STRBP: variants seen among roughly 807,000 people sequenced by gnomAD.
STRBP encodes the protein spermatid perinuclear RNA binding protein.
Under a neutral mutation model 80.1 loss-of-function variants are expected in STRBP, and 13 were observed. The ratio of observed to expected loss-of-function variants is 0.16; its 90% CI spans 0.11 to 0.26. The LOEUF is 0.26. Ranked by LOEUF, STRBP falls within the 10% of genes least tolerant of loss-of-function variation. The pLI, the probability that STRBP is intolerant of heterozygous loss-of-function variation, is 1.00. For missense variants in STRBP, 485 were observed against 815.2 expected (o/e 0.59, Z 4.93); for synonymous variants, 284 against 291.2 (o/e 0.98, Z 0.25).
chr9:123,120,100 A>G (rs1005601080), downstream of STRBP, among the ~76,000 whole-genome samples: 4 of 152,144 alleles, frequency 2.6e-5, no homozygotes, highest in African/African-American at 9.7e-5. Flanking sequence ...TCATTCTTAT[A>G]TAAGTACTAG....
chr9:123,218,892 C>CA (rs1031785667), intron 2 of STRBP, among the ~76,000 whole-genome samples: 10 of 152,188 alleles, frequency 6.6e-5, no homozygotes, highest in African/African-American at 2.2e-4. Context: ...GTTCTAAGTA[C>CA]ACTGCATATA....
chr9:123,116,898 T>G (rs2035654705), downstream of STRBP, among the ~76,000 whole-genome samples: 1 of 152,170 alleles, frequency 6.6e-6, no homozygotes, highest in Non-Finnish European at 1.5e-5. Context: ...AATTCAAAAC[T>G]AATTCCTCAG....
At chr9:123,181,329 T>C (rs933755027) in intron 3 of STRBP, among the ~76,000 whole-genome samples, 1 of 152,232 alleles carries the variant, frequency 6.6e-6, no homozygotes, top group Non-Finnish European at 1.5e-5. Flanking sequence ...GCTAGGCTCA[T>C]GTACTTGCTA....
intron 4 of STRBP, among the ~76,000 whole-genome samples, chr9:123,176,276 C>T (rs1588046886): frequency 1.3e-5 from 2 of 152,226 alleles, no homozygotes; most frequent in Non-Finnish European, 2.9e-5. Flanking sequence ...CCAAGTGCTA[C>T]CTCCTTCATG....
chr9:123,228,175 G>A (rs1025799415), intron 2 of STRBP, among the ~76,000 whole-genome samples: 1 of 152,144 alleles, frequency 6.6e-6, no homozygotes, highest in Non-Finnish European at 1.5e-5. Context: ...GGAGACCTAT[G>A]GGTGGCACAT....
At chr9:123,197,671 T>TC (rs1476275887) in intron 2 of STRBP, among the ~76,000 whole-genome samples, 7 of 131,114 alleles carry the variant, frequency 5.3e-5, no homozygotes, top group African/African-American at 2.1e-4. Flanking sequence ...ATATTTCTTT[T>TC]TTTTTTTTTT....
chr9:123,124,737 A>T lies in STRBP; in HGVS notation c.*860T>A, dbSNP rs1056219918. On this transcript the variant is annotated 3_prime_UTR_variant, in exon 19 of 19. Coordinates refer to ENST00000348403, the MANE Select transcript of STRBP (RefSeq NM_018387.5). ...ATTGATTGATTAATTTATTATTTTT[A>T]AAAACTTGGAAATTCATAAACTAGG... 3.0e-6 allele frequency: 3 copies of T among 985,424 alleles called. No individual in the cohort carries two copies. In the South Asian group the frequency reaches 1.4e-4, roughly 46 times the overall value. The allele number at this position is 985,424 out of a possible 1,614,324, so 61.0% of individuals were successfully genotyped here. A position where few individuals can be genotyped will look rare whatever the true frequency, so the allele number is the denominator to read the frequency against.
chr9:123,218,446 T>C (rs1292731966), intron 2 of STRBP, among the ~76,000 whole-genome samples: 1 of 142,116 alleles, frequency 7.0e-6, no homozygotes, highest in Non-Finnish European at 1.5e-5. Context: ...CTCGGCTCAC[T>C]GCAAGCTCCG....
In STRBP at chr9:123,158,097, G is replaced by T; in HGVS notation, c.960C>A (p.Gly320=). ...CCATCTCCAGCACTTTGTAAATCTGGCCAAAGGCTGATAGTCTGAGTGCAT... is the reference window on the plus strand; with the variant it reads ...CCATCTCCAGCACTTTGTAAATCTGTCCAAAGGCTGATAGTCTGAGTGCAT... ...AQHALRLSAF[G]QIYKVLEMDP... is the part of the protein sequence containing the mutation. Residue 320 remains glycine (G), a synonymous_variant, in exon 11 of 19, where the codon GGC becomes GGA. Transcript: ENST00000348403. The T allele has an allele frequency of 6.2e-7, 1 of 1,608,586 alleles. No homozygotes were observed. Among genetic ancestry groups the T allele is most frequent in the African/African-American group, 1.4e-5 (1 of 73,444 alleles).
At chr9:123,241,179 C>CA (rs11303230) in intron 1 of STRBP, among the ~76,000 whole-genome samples, 3,311 of 103,442 alleles carry the variant, frequency 0.032, 89 homozygotes, top group East Asian at 0.17. Context: ...AACTCCATCT[C>CA]AAAAAAAAAA....
intron 1 of STRBP, among the ~76,000 whole-genome samples, chr9:123,259,425 A>C (rs1421449946): frequency 6.6e-6 from 1 of 152,150 alleles, no homozygotes; most frequent in African/African-American, 2.4e-5. Flanking sequence ...TTTGAGAGTC[A>C]GCCAGGCGCA....
chr9:123,206,475 T>A (rs1031423089), intron 2 of STRBP, among the ~76,000 whole-genome samples: 3 of 152,130 alleles, frequency 2.0e-5, no homozygotes, highest in African/African-American at 4.8e-5. Flanking sequence ...TCTGGGATTT[T>A]AAAAAAATAA....
intron 6 of STRBP, among the ~76,000 whole-genome samples, chr9:123,166,122 T>C (rs1490213963): frequency 6.6e-6 from 1 of 152,200 alleles, no homozygotes; most frequent in Non-Finnish European, 1.5e-5. Flanking sequence ...GACACCTGAA[T>C]TATAAGCTAT....
chr9:123,200,812 A>G lies in STRBP; in HGVS notation c.-164-16514T>C, dbSNP rs150127218. Among the ~76,000 whole-genome samples, 720 of 121,980 alleles carry G rather than the reference A, an allele frequency of 5.9e-3. 5 individuals carry two copies. Among genetic ancestry groups the G allele is most frequent in the African/African-American group, 0.022 (687 of 31,532 alleles). The allele number at this position is 121,980 out of a possible 152,430, so 80.0% of individuals were successfully genotyped here. A position where few individuals can be genotyped will look rare whatever the true frequency, so the allele number is the denominator to read the frequency against. ...TAGCCAGGATGGTCTCGATGTCCTG[A>G]CCTCATGAGCCGCCCGCCTCGGCCT... On this transcript the variant is annotated intron_variant, in intron 2 of 18. Coordinates refer to ENST00000348403, the MANE Select transcript of STRBP (RefSeq NM_018387.5).
chr9:123,169,949 A>G lies in STRBP; in HGVS notation c.488T>C (p.Ile163Thr). The part of the protein sequence containing the change: ...TKEPTLTLKV[I>T]LTSPLIRDEL... ...GTCCCTAATTAGAGGTGAGGTAAGT[A>G]TCACCTTCAAAGTTAGCGTGGGCTC... The change falls in exon 6 of 19, where the codon ATA becomes ACA. Residue 163 changes from isoleucine to threonine, a missense_variant. Ile to Thr is a moderately conservative substitution (Grantham distance 89). Coordinates refer to ENST00000348403, the MANE Select transcript of STRBP (RefSeq NM_018387.5). The G allele has an allele frequency of 1.2e-6, 2 of 1,606,848 alleles. No individual in the cohort carries two copies. Among genetic ancestry groups the G allele is most frequent in the Non-Finnish European group, 1.7e-6 (2 of 1,177,308 alleles).
chr9:123,241,390 T>G (rs1414247162), intron 1 of STRBP, among the ~76,000 whole-genome samples: 1 of 151,842 alleles, frequency 6.6e-6, no homozygotes, highest in African/African-American at 2.4e-5. Context: ...ACGCCTACGA[T>G]CCCAGCTACT....
intron 1 of STRBP, among the ~76,000 whole-genome samples, chr9:123,253,355 G>A (rs1231831427): frequency 6.6e-6 from 1 of 152,138 alleles, no homozygotes; most frequent in Non-Finnish European, 1.5e-5. Context: ...AGGATAAAGT[G>A]GCAACTAACA....
At chr9:123,128,141 C>T in intron 18 of STRBP, 73 bp downstream of exon 18, 1 of 1,560,482 alleles carries the variant, frequency 6.4e-7, no homozygotes, top group Admixed American at 1.7e-5. Context: ...TTACAAAAAC[C>T]CTAGATAGAA....
intron 2 of STRBP, among the ~76,000 whole-genome samples, chr9:123,186,445 T>G (rs2038700876): frequency 6.6e-6 from 1 of 152,128 alleles, no homozygotes; most frequent in African/African-American, 2.4e-5. Context: ...ATATGAAAAG[T>G]ACAGCACTCC....
Sources: gnomAD v4.1 joint callset for allele counts (sites outside exome capture counted in the v4.1 genomes callset) on GRCh38, gnomAD v4.1.1 for gene constraint, MANE v1.5 for transcripts, NCBI Gene and HGNC (gene_info 2026-07-23, HGNC 2026-07-21) for gene names.